TSNAXIP1: variants seen among roughly 807,000 people sequenced by gnomAD.
The protein encoded by TSNAXIP1 is translin associated factor X interacting protein 1.
TSNAXIP1 carries 89 observed loss-of-function variants against 84.8 expected under a neutral mutation model. That is an observed-to-expected ratio of 1.05 (90% confidence interval 0.88 to 1.25). The LOEUF (loss-of-function observed/expected upper bound fraction) is 1.25, where lower values mean the gene tolerates loss of function less well. TSNAXIP1 is among the 50% of genes most tolerant of loss of function. TSNAXIP1 has a pLI of 0.00. For synonymous variants in TSNAXIP1, 347 were observed against 335.2 expected (o/e 1.04, Z -0.39); for missense variants, 874 against 887.6 (o/e 0.98, Z 0.20).
chr16:67,824,891 ACCACCTTCCCCCAGAGCCTTGCTAACT>A (rs2057327282), intron 6 of TSNAXIP1, 112 bp downstream of exon 6: 1 of 1,237,790 alleles, frequency 8.1e-7, no homozygotes, highest in South Asian at 1.5e-5. Flanking sequence ...ACACTGAGCC[ACCACCTTCCCCCAGAGCCTTGCTAACT>A]CCACCCTCTG....
rs538682074 is a variant in TSNAXIP1 at position 67,825,729 on chromosome 16, A to C, written c.877A>C (p.Thr293Pro). The change falls in exon 8 of 16, where the codon ACC (threonine) becomes CCC (proline). Residue 293 changes from threonine to proline, a missense_variant. By Grantham distance (38) the Thr-to-Pro change is conservative (BLOSUM62 -1). Transcript: ENST00000561639. ...TCTTAAGATGACCCGGCAAGACCTGACCCGCACGCAGATGGAACTCAACAA... is the reference window on the plus strand; with the variant it reads ...TCTTAAGATGACCCGGCAAGACCTGCCCCGCACGCAGATGGAACTCAACAA... Reference protein sequence around the residue: ...LALKMTRQDLTRTQMELNNMK... With the variant: ...LALKMTRQDLPRTQMELNNMK... 1 of 1,614,100 alleles carries C rather than the reference A, an allele frequency of 6.2e-7. No homozygotes were observed. The highest frequency in any genetic ancestry group is 8.5e-7 in the Non-Finnish European group (1 of 1,180,022).
At chr16:67,809,222 C>T (rs1249742138) in intron 1 of TSNAXIP1, among the ~76,000 whole-genome samples, 2 of 143,944 alleles carry the variant, frequency 1.4e-5, no homozygotes, top group Non-Finnish European at 3.0e-5. Context: ...GTAATCCCAG[C>T]ACTTTGGGAG....
chr16:67,824,492 C>A, intron 5 of TSNAXIP1, 91 bp from the exon 6 acceptor site: 1 of 1,271,080 alleles, frequency 7.9e-7, no homozygotes, highest in Non-Finnish European at 1.1e-6. Context: ...GGTTTGCAAG[C>A]GACATAGCCA....
At chr16:67,821,478 G>A (rs1213624632) in intron 4 of TSNAXIP1, among the ~76,000 whole-genome samples, 3 of 152,142 alleles carry the variant, frequency 2.0e-5, no homozygotes, top group African/African-American at 7.2e-5. Context: ...GCTGAGGCAG[G>A]AGAATCGCTT....
rs193093812 is a variant in TSNAXIP1, at chr16:67,815,820, G to A, written c.147+1419G>A. On this transcript the variant is annotated intron_variant, in intron 2 of 15. Coordinates refer to ENST00000561639, the MANE Select transcript of TSNAXIP1 (RefSeq NM_001288990.3). ...AGCTCAATACTGTTTTTTTTTTTGA[G>A]ATGGGGTCTTGCTCTGTCACCCAGG... 4.6e-4 allele frequency among the ~76,000 whole-genome samples: 69 copies of A among 150,298 alleles called. 1 individual carries two copies. The East Asian group carries it at 0.013, about 28-fold the overall frequency.
At chr16:67,809,893 G>A (rs1350167402) in intron 1 of TSNAXIP1, among the ~76,000 whole-genome samples, 1 of 152,086 alleles carries the variant, frequency 6.6e-6, no homozygotes, top group Non-Finnish European at 1.5e-5. Flanking sequence ...AGGTTGCAGT[G>A]AGCCGAGATC....
At chr16:67,827,192 G>A in intron 13 of TSNAXIP1, 57 bp from the exon 14 acceptor site, 3 of 1,611,048 alleles carry the variant, frequency 1.9e-6, no homozygotes, top group African/African-American at 1.3e-5. Flanking sequence ...TGAGCACTAG[G>A]GAGAGGCACA....
chr16:67,815,576 T>C (rs1301698833), intron 2 of TSNAXIP1, among the ~76,000 whole-genome samples: 1 of 152,098 alleles, frequency 6.6e-6, no homozygotes, highest in East Asian at 1.9e-4. Context: ...CACAGCTCAC[T>C]GCAGACTCCA....
chr16:67,816,947 C>CTT lies in TSNAXIP1; in HGVS notation c.147+2560_147+2561dup, dbSNP rs539347982. ...CAGTAGACAGAACACGAGGACTGGT[C>CTT]TTTTTTTTTTTTTTTAATATTAATT... On this transcript the variant is annotated intron_variant, in intron 2 of 15. Transcript: ENST00000561639. 5.4e-3 allele frequency among the ~76,000 whole-genome samples: 757 copies of CTT among 140,244 alleles called. 5 individuals carry two copies. The highest frequency in any genetic ancestry group is 0.018 in the African/African-American group (693 of 38,672). The allele number at this position is 140,244 out of a possible 152,430, so 92.0% of individuals were successfully genotyped here. A position where few individuals can be genotyped will look rare whatever the true frequency, so the allele number is the denominator to read the frequency against.
Position 67,807,116 on chromosome 16 carries a change from C to T in TSNAXIP1, c.-34C>T. ...CTGTACGCTACCACAGCTTCCCAGG[C>T]CGCGGGTGCTGATTGCCCGCCTGCC... is the stretch of plus-strand genomic sequence containing the variant. On this transcript the variant is annotated 5_prime_UTR_variant, in exon 1 of 16. Transcript: ENST00000561639. The T allele has an allele frequency of 1.3e-6, 2 of 1,533,248 alleles. No homozygotes were observed. Among genetic ancestry groups the T allele is most frequent in the African/African-American group, 1.4e-5 (1 of 73,048 alleles). 95.0% of individuals were successfully genotyped at this position (1,533,248 alleles called of 1,614,324 possible). A position where few individuals can be genotyped will look rare whatever the true frequency, so the allele number is the denominator to read the frequency against.
chr16:67,814,482 C>T (rs754497255), intron 2 of TSNAXIP1, 81 bp downstream of exon 2: 9 of 1,163,432 alleles, frequency 7.7e-6, no homozygotes, highest in Non-Finnish European at 1.1e-5. Flanking sequence ...CCAAGAGTAC[C>T]ACCCACCTGA....
Position 67,821,227 on chromosome 16 carries a change from TCAGAGC to T in TSNAXIP1, c.387+5_387+10del. On this transcript the variant is annotated splice_donor_5th_base_variant and intron_variant, in intron 4 of 15. Transcript: ENST00000561639. ...TCCACCCAGGAACTAAGGCTGCAGG[TCAGAGC>T]CACAGAAGAAACTTGGGGAGGGCGG... is the stretch of plus-strand genomic sequence containing the variant. The T allele has an allele frequency of 7.3e-7, 1 of 1,376,984 alleles. No individual in the cohort carries two copies. The highest frequency in any genetic ancestry group is 1.2e-5 in the South Asian group (1 of 86,690). 85.3% of individuals were successfully genotyped at this position (1,376,984 alleles called of 1,614,324 possible).
At chr16:67,821,267 T>TG in intron 4 of TSNAXIP1, 42 bp downstream of exon 4, 6 of 829,416 alleles carry the variant, frequency 7.2e-6, no homozygotes, top group Non-Finnish European at 1.1e-5. Flanking sequence ...GGGGGAAGGG[T>TG]GGGAAGAAGC....
intron 7 of TSNAXIP1, 60 bp from the exon 8 acceptor site, chr16:67,825,607 T>C: frequency 6.4e-7 from 1 of 1,560,390 alleles, no homozygotes; most frequent in Non-Finnish European, 8.7e-7. Context: ...GGCAGAGGGC[T>C]TCAGGCAACC....
intron 2 of TSNAXIP1, among the ~76,000 whole-genome samples, chr16:67,815,434 C>G (rs991357214): frequency 2.0e-5 from 3 of 151,664 alleles, no homozygotes; most frequent in Non-Finnish European, 4.4e-5. Flanking sequence ...TGCCAGGGCT[C>G]AAGTGATCCT....
At chr16:67,821,256 CGGGGGAAGGGT>C in intron 4 of TSNAXIP1, 31 bp downstream of exon 4, 1 of 711,730 alleles carries the variant, frequency 1.4e-6, no homozygotes, top group African/African-American at 1.8e-5. Flanking sequence ...TTGGGGAGGG[CGGGGGAAGGGT>C]GGGAAGAAGC....
At chr16:67,826,112 C>T (rs1484824639) in intron 9 of TSNAXIP1, 36 bp downstream of exon 9, 1 of 1,613,266 alleles carries the variant, frequency 6.2e-7, no homozygotes, top group Admixed American at 1.7e-5. Context: ...GTCCTGCTTA[C>T]ATGTGGGCCC....
rs1466679967 is a variant in TSNAXIP1 at position 67,827,359 on chromosome 16, G to A, written c.1775G>A (p.Arg592His). Residue 592 changes from arginine (R) to histidine (H), a missense_variant, in exon 14 of 16, where the codon CGC becomes CAC. Coordinates refer to ENST00000561639, the MANE Select transcript of TSNAXIP1 (RefSeq NM_001288990.3). ...AGCAATGCAGACTTGCTCAACTACC[G>A]CTCACTGTTTATGGAGGTGGGTGTG... ...SSSNADLLNY[R>H]SLFMEDEEGQ... 36 of 1,614,190 alleles carry A rather than the reference G, an allele frequency of 2.2e-5. No homozygotes were observed. The highest frequency in any genetic ancestry group is 2.2e-5 in the South Asian group (2 of 91,084).
chr16:67,814,727 G>A (rs1045544583), intron 2 of TSNAXIP1, among the ~76,000 whole-genome samples: 1 of 151,874 alleles, frequency 6.6e-6, no homozygotes, highest in East Asian at 1.9e-4. Flanking sequence ...CATCCCTCCC[G>A]CCAACACACC....
Sources: gnomAD v4.1 joint callset for allele counts (sites outside exome capture counted in the v4.1 genomes callset) on GRCh38, gnomAD v4.1.1 for gene constraint, MANE v1.5 for transcripts, NCBI Gene and HGNC (gene_info 2026-07-23, HGNC 2026-07-21) for gene names.